The following ATP13A2 variants were observed in gnomAD, a reference collection of about 807,000 sequenced individuals.
ATP13A2 encodes the protein polyamine-transporting ATPase 13A2.
In ATP13A2, 83 loss-of-function variants were observed where a neutral mutation model predicts 138.3. That is an observed-to-expected ratio of 0.60 (90% CI 0.50 to 0.72). ATP13A2 has a LOEUF of 0.72. Ranked by LOEUF, ATP13A2 falls within the 30% of genes least tolerant of loss-of-function variation. The probability of loss-of-function intolerance (pLI) is 0.00; values close to 1 mark genes in which losing one functional copy is unlikely to be tolerated. For synonymous variants in ATP13A2, 663 were observed against 699.0 expected (o/e 0.95, Z 0.81); for missense variants, 1,402 against 1,606.4 (o/e 0.87, Z 2.17).
intron 20 of ATP13A2, among the ~76,000 whole-genome samples, chr1:16,990,781 C>T (rs1372480267): frequency 6.6e-5 from 10 of 152,216 alleles, no homozygotes; most frequent in Non-Finnish European, 7.4e-5. Context: ...CTCGGCCTCC[C>T]GGAGTGCTGG....
In ATP13A2 at chr1:16,992,601, G is replaced by T. The variant is rs1305686148; in HGVS notation, c.1750-20C>A. On this transcript the variant is annotated intron_variant, in intron 16 of 28. Transcript: ENST00000326735. ...CAGGACCTGGCAGGCAGGCAGGGAAGTTTGGTGTCTGGGGGCTTTGGCTCA... is the reference window on the plus strand; with the variant it reads ...CAGGACCTGGCAGGCAGGCAGGGAATTTTGGTGTCTGGGGGCTTTGGCTCA... 1.2e-6 allele frequency: 2 copies of T among 1,613,810 alleles called. No individual in the cohort carries two copies. Among genetic ancestry groups the T allele is most frequent in the East Asian group, 2.2e-5 (1 of 44,888 alleles).
chr1:16,992,680 G>T (rs1397228212), intron 16 of ATP13A2, 99 bp from the exon 17 acceptor site: 4 of 1,292,070 alleles, frequency 3.1e-6, no homozygotes, highest in Admixed American at 3.6e-5. Context: ...AGACTGAATG[G>T]TGGGTTAAGA....
intron 1 of ATP13A2, among the ~76,000 whole-genome samples, chr1:17,010,841 G>A (rs2077757809): frequency 6.6e-6 from 1 of 152,152 alleles, no homozygotes; most frequent in Non-Finnish European, 1.5e-5. Flanking sequence ...TCCTGCTGGT[G>A]ACCTGGCAGC....
intron 1 of ATP13A2, among the ~76,000 whole-genome samples, chr1:17,006,898 CT>C (rs540300884): frequency 2.7e-5 from 4 of 149,542 alleles, no homozygotes; most frequent in Non-Finnish European, 4.5e-5. Flanking sequence ...TGCAGATATT[CT>C]TTTTTTTTTG....
chr1:17,004,377 T>C lies in ATP13A2; in HGVS notation c.512A>G (p.Gln171Arg). The stretch of plus-strand genomic sequence containing the variant: ...CTGGGTCTCGATCCAGATATAGCGC[T>C]GGCCCTGGAAGAGGTAATACCGCAG... ...RVLRYYLFQG[Q>R]RYIWIETQQA... Residue 171 changes from glutamine to arginine, a missense_variant, in exon 6 of 29, where the codon CAG becomes CGG. Physicochemically the swap from Gln to Arg is conservative, Grantham distance 43. Coordinates refer to ENST00000326735, the MANE Select transcript of ATP13A2 (RefSeq NM_022089.4). This position sits in a 1 kb window ranked among gnomAD's most constrained non-coding sequence, Gnocchi z 4.1. 1.9e-6 allele frequency: 3 copies of C among 1,613,926 alleles called. No homozygotes were observed. Among genetic ancestry groups the C allele is most frequent in the Non-Finnish European group, 2.5e-6 (3 of 1,179,954 alleles).
At position 16,988,028 on chromosome 1, in the gene ATP13A2, G is replaced by A. The variant is rs1293269315; in HGVS notation, c.2859+110C>T. 3.0e-6 allele frequency: 3 copies of A among 1,009,070 alleles called. No homozygotes were observed. In the African/African-American group the frequency reaches 4.7e-5, roughly 16 times the overall value. 62.5% of individuals were successfully genotyped at this position (1,009,070 alleles called of 1,614,324 possible). A position where few individuals can be genotyped will look rare whatever the true frequency, so the allele number is the denominator to read the frequency against. On this transcript the variant is annotated intron_variant, in intron 25 of 28. Transcript: ENST00000326735. ...CACAGCCGGAGAGTGGCAGGGTCAG[G>A]ATCTGGGCCCACGTCATCTATTCTG...
rs1210403578 is a variant in ATP13A2 at position 17,004,520 on chromosome 1, C to G, written c.478-109G>C. Reference sequence around the variant, plus strand: ...GGGTAGGGGGCAGGGACTGGTGTCACCAGACAGAGAGGTGGGGAGAGGCCT... The same window carrying G: ...GGGTAGGGGGCAGGGACTGGTGTCAGCAGACAGAGAGGTGGGGAGAGGCCT... On this transcript the variant is annotated intron_variant, in intron 5 of 28. Coordinates refer to ENST00000326735, the MANE Select transcript of ATP13A2 (RefSeq NM_022089.4). The surrounding 1 kb of genome is among the most constrained non-coding windows in gnomAD (Gnocchi z 4.1). 6.5e-6 allele frequency: 10 copies of G among 1,533,156 alleles called. No individual in the cohort carries two copies. The highest frequency in any genetic ancestry group is 2.7e-5 in the African/African-American group (2 of 72,912). The allele number at this position is 1,533,156 out of a possible 1,614,324, so 95.0% of individuals were successfully genotyped here. A position where few individuals can be genotyped will look rare whatever the true frequency, so the allele number is the denominator to read the frequency against.
intron 1 of ATP13A2, among the ~76,000 whole-genome samples, chr1:17,009,095 C>T (rs1292596483): frequency 1.3e-5 from 2 of 152,172 alleles, no homozygotes; most frequent in Non-Finnish European, 2.9e-5. Flanking sequence ...GTTTGACAAA[C>T]GAGAGCACTG....
At position 17,011,640 on chromosome 1, in the gene ATP13A2, G is replaced by A; in HGVS notation, c.10+89C>T. 4.3e-6 allele frequency: 6 copies of A among 1,394,152 alleles called. No homozygotes were observed. Among genetic ancestry groups the A allele is most frequent in the Non-Finnish European group, 4.7e-6 (5 of 1,073,728 alleles). The allele number at this position is 1,394,152 out of a possible 1,614,324, so 86.4% of individuals were successfully genotyped here. A position where few individuals can be genotyped will look rare whatever the true frequency, so the allele number is the denominator to read the frequency against. The stretch of plus-strand genomic sequence containing the variant: ...GGCTCGCGACCCCGCGGTGGGGGGC[G>A]TCGCCTCCCCTCTCCCTCCAAGGGG... On this transcript the variant is annotated intron_variant, in intron 1 of 28. Transcript: ENST00000326735. This position sits in a 1 kb window ranked among gnomAD's most constrained non-coding sequence, Gnocchi z 7.3.
chr1:16,994,197 C>CTCTCTCTCTCATTTATTTATTT (rs762110883), intron 15 of ATP13A2, among the ~76,000 whole-genome samples: 36 of 147,414 alleles, frequency 2.4e-4, no homozygotes, highest in East Asian at 1.7e-3. Flanking sequence ...CTCTCTCTCT[C>CTCTCTCTCTCATTTATTTATTT]ATTTATTTAT....
chr1:17,010,803 C>A (rs1350561459), intron 1 of ATP13A2, among the ~76,000 whole-genome samples: 1 of 152,112 alleles, frequency 6.6e-6, no homozygotes, highest in Non-Finnish European at 1.5e-5. Context: ...CCATTTGGGA[C>A]CTCTTATTTC....
chr1:16,996,477 C>T lies in ATP13A2; in HGVS notation c.1215G>A (p.Gly405=), dbSNP rs763507619. The T allele has an allele frequency of 4.3e-6, 7 of 1,614,002 alleles. No individual in the cohort carries two copies. In the East Asian group the frequency reaches 6.7e-5, roughly 15 times the overall value. ...GGTGCAAGATGGAGCTCACCAGGCC[C>T]CCTTTTGCCGTGCAGAACCCTGGGG... ...VTRTGFCTAK[G]GLVSSILHPR... Residue 405 remains glycine (G), a synonymous_variant, in exon 13 of 29, where the codon GGG becomes GGA. Coordinates refer to ENST00000326735, the MANE Select transcript of ATP13A2 (RefSeq NM_022089.4).
rs1240868626 is a variant in ATP13A2 at position 17,004,857 on chromosome 1, G to A, written c.348-36C>T. 5 of 1,613,626 alleles carry A rather than the reference G, an allele frequency of 3.1e-6. No individual in the cohort carries two copies. The highest frequency in any genetic ancestry group is 4.2e-6 in the Non-Finnish European group (5 of 1,180,022). On this transcript the variant is annotated intron_variant, in intron 4 of 28. Coordinates refer to ENST00000326735, the MANE Select transcript of ATP13A2 (RefSeq NM_022089.4). The surrounding 1 kb of genome is among the most constrained non-coding windows in gnomAD (Gnocchi z 4.1). ...AGGTGAGGGTTACTCTCGAGCTCTG[G>A]GAGCTGCCCTGGCACCTCCCTGTGC...
In ATP13A2 at chr1:16,991,795, C is replaced by A. The variant is rs148275181; in HGVS notation, c.2190G>T (p.Pro730=). ...GAGCCTGGATAACTGGCGTTGTCTG[C>A]GGCTTCAGTAGGTTCCTCATGACCA... The part of the protein sequence containing the change: ...GLLVMRNLLK[P]QTTPVIQALR... The change falls in exon 20 of 29, where the codon CCG becomes CCT. Residue 730 remains proline, a synonymous_variant. Transcript: ENST00000326735. The A allele has an allele frequency of 1.1e-5, 18 of 1,614,142 alleles. No individual in the cohort carries two copies. In the African/African-American group the frequency reaches 2.0e-4, roughly 18 times the overall value.
intron 23 of ATP13A2, 52 bp downstream of exon 23, chr1:16,989,639 G>T: frequency 3.2e-6 from 5 of 1,580,580 alleles, no homozygotes; most frequent in Non-Finnish European, 4.3e-6. Context: ...CAGACGAACG[G>T]ACAAGCTCAG....
intron 23 of ATP13A2, 37 bp from the exon 24 acceptor site, chr1:16,988,511 TACCC>T: frequency 6.2e-7 from 1 of 1,612,980 alleles, no homozygotes; most frequent in Non-Finnish European, 8.5e-7. Flanking sequence ...CCTGGGGAAT[TACCC>T]CACCACCCCA....
chr1:16,990,124 C>T lies in ATP13A2; in HGVS notation c.2412+3G>A, dbSNP rs780819882. On this transcript the variant is annotated splice_donor_region_variant and intron_variant, in intron 21 of 28. Coordinates refer to ENST00000326735, the MANE Select transcript of ATP13A2 (RefSeq NM_022089.4). ...TACAGCTGGAACTCTGGGTTAGCCT[C>T]ACCTTAACGCCATTCACGGCTGTGG... 11 of 1,614,174 alleles carry T rather than the reference C, an allele frequency of 6.8e-6. No homozygotes were observed. Among genetic ancestry groups the T allele is most frequent in the Non-Finnish European group, 8.5e-6 (10 of 1,180,026 alleles).
intron 1 of ATP13A2, among the ~76,000 whole-genome samples, chr1:17,009,310 GAA>G (rs1557724671): frequency 6.6e-6 from 1 of 151,508 alleles, no homozygotes; most frequent in East Asian, 1.9e-4. Flanking sequence ...CTGAATGAAT[GAA>G]TGTCTGTCTC....
At position 17,000,408 on chromosome 1, in the gene ATP13A2, T is replaced by G. The variant is rs1380691332; in HGVS notation, c.832A>C (p.Thr278Pro). Residue 278 changes from threonine (T) to proline (P), a missense_variant, in exon 9 of 29, where the codon ACC becomes CCC. Transcript: ENST00000326735. Reference protein sequence around the residue: ...SISICLSLYKTRKQSQTLRDM... With the variant: ...SISICLSLYKPRKQSQTLRDM... ...CACCTTATGGCACTCACCTTTCTGG[T>G]CTTGTACAGCGACAGGCAGATGGAG... is the stretch of plus-strand genomic sequence containing the variant. 1.2e-6 allele frequency: 2 copies of G among 1,612,778 alleles called. No homozygotes were observed. Among genetic ancestry groups the G allele is most frequent in the African/African-American group, 1.3e-5 (1 of 74,806 alleles).
Sources: gnomAD v4.1 joint callset for allele counts (sites outside exome capture counted in the v4.1 genomes callset) on GRCh38, gnomAD v4.1.1 for gene constraint, Gnocchi (gnomAD v3.1) non-coding constraint, MANE v1.5 for transcripts, NCBI Gene and HGNC (gene_info 2026-07-23, HGNC 2026-07-21) for gene names.